CACNA1C: variants seen among roughly 807,000 people sequenced by gnomAD.
CACNA1C encodes the protein voltage-dependent L-type calcium channel subunit alpha-1C.
Under a neutral mutation model 229.0 loss-of-function variants are expected in CACNA1C, and 30 were observed. The observed-to-expected ratio is 0.13, with a 90% CI of 0.10 to 0.18. The LOEUF is 0.18. CACNA1C is among the 10% of genes least tolerant of loss of function. The pLI is 1.00. For synonymous variants in CACNA1C, 1,114 were observed against 1,132.5 expected (o/e 0.98, Z 0.33); for missense variants, 1,658 against 2,845.0 (o/e 0.58, Z 9.49).
Position 2,183,950 on chromosome 12 carries a change from G to A in CACNA1C, c.477+63520G>A, listed in dbSNP as rs188663852. Among the ~76,000 whole-genome samples, 172 of 152,340 alleles carry A rather than the reference G, an allele frequency of 1.1e-3. 2 individuals are homozygous for A. Among genetic ancestry groups the A allele is most frequent in the Middle Eastern group, 3.4e-3 (1 of 294 alleles). On this transcript the variant is annotated intron_variant, in intron 3 of 46. Coordinates refer to ENST00000399655, the MANE Select transcript of CACNA1C (RefSeq NM_000719.7). Reference sequence around the variant, plus strand: ...TCTGTTATGAATTATATCCATCCACGTGGAAGAGGGAGACAGAGTGATCTG... The same window carrying A: ...TCTGTTATGAATTATATCCATCCACATGGAAGAGGGAGACAGAGTGATCTG...
intron 3 of CACNA1C, among the ~76,000 whole-genome samples, chr12:2,207,656 T>TA (rs1012354236): frequency 1.3e-5 from 2 of 151,700 alleles, no homozygotes; most frequent in African/African-American, 2.4e-5. Flanking sequence ...CAAAAAAAAG[T>TA]AAAAAAAATT....
chr12:2,338,857 A>T (rs1227387059), intron 3 of CACNA1C, among the ~76,000 whole-genome samples: 1 of 152,078 alleles, frequency 6.6e-6, no homozygotes, highest in Admixed American at 6.5e-5. Context: ...ACACACCCCC[A>T]AGTTGAGCTA....
At chr12:2,310,352 A>AAAAAAAT (rs201363709) in intron 3 of CACNA1C, among the ~76,000 whole-genome samples, 43 of 139,838 alleles carry the variant, frequency 3.1e-4, no homozygotes, top group Middle Eastern at 3.6e-3. Context: ...TAAAAAAAAA[A>AAAAAAAT]ATATATATAT....
At chr12:2,278,414 G>A (rs1359125595) in intron 3 of CACNA1C, among the ~76,000 whole-genome samples, 3 of 152,080 alleles carry the variant, frequency 2.0e-5, no homozygotes, top group Non-Finnish European at 4.4e-5. Flanking sequence ...CAGTAGCTCA[G>A]CCCTCCTCCC....
intron 34 of CACNA1C, among the ~76,000 whole-genome samples, chr12:2,657,241 T>C (rs1291728312): frequency 6.6e-6 from 1 of 152,174 alleles, no homozygotes. Context: ...TTATATAAAG[T>C]CTAGATACTT....
chr12:2,471,662 G>A (rs1439504360), intron 5 of CACNA1C, among the ~76,000 whole-genome samples: 2 of 151,844 alleles, frequency 1.3e-5, no homozygotes, highest in Non-Finnish European at 2.9e-5. Flanking sequence ...GGTTTCCACT[G>A]TCTCTGATGA....
intron 9 of CACNA1C, among the ~76,000 whole-genome samples, chr12:2,514,788 C>A (rs1348010712): frequency 6.6e-6 from 1 of 152,060 alleles, no homozygotes; most frequent in African/African-American, 2.4e-5. Flanking sequence ...CTATTCTGTT[C>A]TCCGCCTAAA....
intron 1 of CACNA1C, among the ~76,000 whole-genome samples, chr12:2,020,828 C>A (rs1186053238): frequency 6.6e-6 from 1 of 152,208 alleles, no homozygotes. Flanking sequence ...GGTGGTGGTT[C>A]AGCCTCCTTG....
intron 3 of CACNA1C, among the ~76,000 whole-genome samples, chr12:2,276,497 A>C (rs1002390779): frequency 2.6e-5 from 4 of 152,262 alleles, no homozygotes; most frequent in African/African-American, 9.6e-5. Context: ...TGGATGATTC[A>C]GAGCTGACCT....
chr12:2,587,604 T>TA (rs936229743), intron 18 of CACNA1C, among the ~76,000 whole-genome samples: 90 of 151,124 alleles, frequency 6.0e-4, no homozygotes, highest in African/African-American at 1.3e-3. Flanking sequence ...ATGTTAATTT[T>TA]AAAAAAAAAG....
At chr12:2,392,447 G>T (rs1486925606) in intron 3 of CACNA1C, among the ~76,000 whole-genome samples, 1 of 152,178 alleles carries the variant, frequency 6.6e-6, no homozygotes, top group African/African-American at 2.4e-5. Context: ...GGGCACCTAA[G>T]CAGACCTTGT....
intron 3 of CACNA1C, among the ~76,000 whole-genome samples, chr12:2,311,721 G>C (rs2095446700): frequency 6.6e-6 from 1 of 152,206 alleles, no homozygotes; most frequent in South Asian, 2.1e-4. Flanking sequence ...TGGGCCTGCA[G>C]AGAAAAACCG....
At chr12:2,196,760 G>A (rs1264333823) in intron 3 of CACNA1C, among the ~76,000 whole-genome samples, 1 of 152,216 alleles carries the variant, frequency 6.6e-6, no homozygotes, top group Non-Finnish European at 1.5e-5. Flanking sequence ...AGGAGCAAGA[G>A]GTCACTGGGT....
chr12:2,147,947 G>A (rs1446167849), intron 3 of CACNA1C, among the ~76,000 whole-genome samples: 1 of 151,182 alleles, frequency 6.6e-6, no homozygotes, highest in African/African-American at 2.4e-5. Context: ...GGTAACAGGA[G>A]GATGCTAGGA....
chr12:2,374,844 C>T (rs895191650), intron 3 of CACNA1C, among the ~76,000 whole-genome samples: 2 of 152,318 alleles, frequency 1.3e-5, no homozygotes, highest in Non-Finnish European at 1.5e-5. Context: ...GGCAGAAGCG[C>T]GTTTCCTCAC....
intron 3 of CACNA1C, among the ~76,000 whole-genome samples, chr12:2,286,720 G>A (rs2154445378): frequency 6.6e-6 from 1 of 152,282 alleles, no homozygotes; most frequent in African/African-American, 2.4e-5. Flanking sequence ...ACAATGACAG[G>A]ACCCAGGCTC....
chr12:2,277,264 C>G (rs2088762740), intron 3 of CACNA1C, among the ~76,000 whole-genome samples: 1 of 151,808 alleles, frequency 6.6e-6, no homozygotes, highest in Non-Finnish European at 1.5e-5. Flanking sequence ...ACAATTACTT[C>G]TTATAGTTGT....
chr12:2,124,109 CGTGTGTGTGTGT>C (rs36202591), intron 3 of CACNA1C, among the ~76,000 whole-genome samples: 1,589 of 145,522 alleles, frequency 0.011, 34 homozygotes, highest in African/African-American at 0.036. Context: ...TGGTCTAGCT[CGTGTGTGTGTGT>C]GTGTGTGTGT....
In CACNA1C at chr12:1,975,474, T is replaced by A. The variant is rs1180093585; in HGVS notation, c.139+4273T>A. ...AAGAATACACATTATATAGCCATAA[T>A]GACCACTTACTATAGATAAAGGGTA... On this transcript the variant is annotated intron_variant, in intron 1 of 46. Coordinates refer to the CACNA1C transcript ENST00000682462. 2.6e-5 allele frequency among the ~76,000 whole-genome samples: 4 copies of A among 152,176 alleles called. No individual in the cohort carries two copies. The East Asian group carries it at 7.7e-4, about 29-fold the overall frequency.
Sources: gnomAD v4.1 joint callset for allele counts (sites outside exome capture counted in the v4.1 genomes callset) on GRCh38, gnomAD v4.1.1 for gene constraint, MANE v1.5 for transcripts, NCBI Gene and HGNC (gene_info 2026-07-23, HGNC 2026-07-21) for gene names.